GLB1: variants seen among roughly 807,000 people sequenced by gnomAD.
The protein encoded by GLB1 is galactosidase beta 1, also known as beta-galactosidase.
In GLB1, 56 loss-of-function variants were observed where a neutral mutation model predicts 74.0. The observed-to-expected ratio is 0.76, with a 90% CI of 0.61 to 0.94. GLB1 has a LOEUF of 0.94. Ranked by LOEUF, GLB1 falls within the 40% of genes least tolerant of loss-of-function variation. GLB1 has a pLI of 0.00. For synonymous variants in GLB1, 323 were observed against 323.6 expected (o/e 1.00, Z 0.02); for missense variants, 787 against 845.5 (o/e 0.93, Z 0.86).
chr3:33,087,593 A>G (rs879572367), intron 1 of GLB1, among the ~76,000 whole-genome samples: 24,367 of 125,910 alleles, frequency 0.19, 2,438 homozygotes, highest in East Asian at 0.35. Context: ...ACACACACAC[A>G]CACACACACA....
intron 1 of GLB1, among the ~76,000 whole-genome samples, chr3:33,075,417 G>T (rs1559413460): frequency 1.3e-5 from 2 of 152,198 alleles, no homozygotes; most frequent in South Asian, 4.1e-4. Flanking sequence ...TACATGGTGG[G>T]ACACTGTCTC....
chr3:33,096,733 T>A lies in GLB1; in HGVS notation c.75+278A>T, dbSNP rs536585269. 25 of 1,286,052 alleles carry A rather than the reference T, an allele frequency of 1.9e-5. No homozygotes were observed. The South Asian group carries it at 4.9e-4, about 25-fold the overall frequency. The allele number at this position is 1,286,052 out of a possible 1,614,324, so 79.7% of individuals were successfully genotyped here. On this transcript the variant is annotated intron_variant, in intron 1 of 15. Transcript: ENST00000307363. ...TTTACACGCACCTCGTCTCAACACC[T>A]CGTTACAGATGGGGAAGTGGATCCA...
At chr3:33,064,855 A>G (rs991096637) in intron 5 of GLB1, among the ~76,000 whole-genome samples, 24 of 151,274 alleles carry the variant, frequency 1.6e-4, no homozygotes, top group Non-Finnish European at 2.7e-4. Flanking sequence ...TGTTTCACCT[A>G]AGTAATTTTA....
intron 9 of GLB1, among the ~76,000 whole-genome samples, chr3:33,049,896 G>A (rs7616912): frequency 0.018 from 2,812 of 152,136 alleles, 100 homozygotes; most frequent in African/African-American, 0.064. Flanking sequence ...GCTTGTAAGC[G>A]ATGTCTTCTC....
At chr3:32,988,050 G>C in the GLB1 span, among the ~76,000 whole-genome samples, 1 of 151,958 alleles carries the variant, frequency 6.6e-6, no homozygotes, top group Admixed American at 6.6e-5. Context: ...AGCTGGGTGT[G>C]GTGGTGCATG....
chr3:33,053,488 T>C lies in GLB1; in HGVS notation c.792+3A>G, dbSNP rs1256202540. The C allele has an allele frequency of 1.2e-6, 2 of 1,614,174 alleles. No individual in the cohort carries two copies. On this transcript the variant is annotated splice_donor_region_variant and intron_variant, in intron 7 of 15. Transcript: ENST00000307363. The stretch of plus-strand genomic sequence containing the variant: ...AAACACACACCTCACCCTCGATTCT[T>C]ACCAAGGGTCCTTTGGGCTCACACT...
At chr3:32,981,399 C>CAAAAAAAAAAAA in the GLB1 span, among the ~76,000 whole-genome samples, 3 of 90,454 alleles carry the variant, frequency 3.3e-5, no homozygotes, top group Non-Finnish European at 3.9e-5. Context: ...GACTCCATCT[C>CAAAAAAAAAAAA]AAAAAAAAAA....
the GLB1 span, among the ~76,000 whole-genome samples, chr3:32,974,054 G>A: frequency 6.6e-6 from 1 of 152,190 alleles, no homozygotes; most frequent in African/African-American, 2.4e-5. Flanking sequence ...GTTGGCAGCT[G>A]TAGGCCTTGT....
At chr3:33,084,894 A>G (rs1312517419) in intron 1 of GLB1, among the ~76,000 whole-genome samples, 1 of 152,188 alleles carries the variant, frequency 6.6e-6, no homozygotes, top group Non-Finnish European at 1.5e-5. Context: ...AACCACATTG[A>G]CGTTACTATT....
intron 1 of GLB1, among the ~76,000 whole-genome samples, chr3:33,095,018 C>T (rs1700950766): frequency 6.6e-6 from 1 of 152,046 alleles, no homozygotes; most frequent in Non-Finnish European, 1.5e-5. Flanking sequence ...CAAGACCAGC[C>T]TGGCCAACAT....
rs778423719 is a variant in GLB1, at chr3:33,093,587, T to C, written c.75+3424A>G. 3.1e-6 allele frequency: 5 copies of C among 1,614,128 alleles called. No homozygotes were observed. In the Admixed American group the frequency reaches 5.0e-5, roughly 16 times the overall value. On this transcript the variant is annotated intron_variant, in intron 1 of 15. Transcript: ENST00000307363. This position sits in a 1 kb window ranked among gnomAD's most constrained non-coding sequence, Gnocchi z 6.0. ...GGAGCACGATCTTGAGGTTGTTCATTGAGGCAGGCAGCTGATGGATGGGCA... is the reference window on the plus strand; with the variant it reads ...GGAGCACGATCTTGAGGTTGTTCATCGAGGCAGGCAGCTGATGGATGGGCA...
At chr3:32,973,327 G>A in the GLB1 span, among the ~76,000 whole-genome samples, 18 of 152,068 alleles carry the variant, frequency 1.2e-4, no homozygotes, top group East Asian at 5.8e-4. Flanking sequence ...TTTGGTTAGT[G>A]CAAACATAAT....
rs1262009784 is a variant in GLB1, at chr3:33,045,400, A to G, written c.1068+720T>C. On this transcript the variant is annotated intron_variant, in intron 10 of 15. Coordinates refer to ENST00000307363, the MANE Select transcript of GLB1 (RefSeq NM_000404.4). ...CTTTTATATAAAGGGAATTTACACA[A>G]TTGGCTTAAGGTTGAAGAAATAGTG... The G allele has an allele frequency of 8.1e-6, 8 of 985,288 alleles. No individual in the cohort carries two copies. The South Asian group carries it at 3.3e-4, about 41-fold the overall frequency. The allele number at this position is 985,288 out of a possible 1,614,324, so 61.0% of individuals were successfully genotyped here. A position where few individuals can be genotyped will look rare whatever the true frequency, so the allele number is the denominator to read the frequency against.
At chr3:33,037,153 C>A (rs1172597340) in intron 10 of GLB1, among the ~76,000 whole-genome samples, 2 of 151,538 alleles carry the variant, frequency 1.3e-5, no homozygotes, top group East Asian at 1.9e-4. Context: ...TCAAGCGATT[C>A]TCCTGCCCCA....
chr3:33,013,485 G>A (rs1289707832), intron 15 of GLB1, among the ~76,000 whole-genome samples: 1 of 152,180 alleles, frequency 6.6e-6, no homozygotes, highest in South Asian at 2.1e-4. Flanking sequence ...ATGAGTGATG[G>A]TAAGGTGATC....
intron 15 of GLB1, among the ~76,000 whole-genome samples, chr3:33,002,562 C>T (rs550220469): frequency 6.6e-6 from 1 of 152,144 alleles, no homozygotes; most frequent in South Asian, 2.1e-4. Flanking sequence ...GCCATCATGG[C>T]CAGCTAACTT....
intron 11 of GLB1, among the ~76,000 whole-genome samples, chr3:33,023,769 A>T (rs946379771): frequency 6.6e-6 from 1 of 152,150 alleles, no homozygotes; most frequent in Non-Finnish European, 1.5e-5. Flanking sequence ...CAGTGTCCCC[A>T]TTTAACGTAT....
At chr3:33,037,050 T>A (rs1311956572) in intron 10 of GLB1, among the ~76,000 whole-genome samples, 4 of 35,468 alleles carry the variant, frequency 1.1e-4, no homozygotes, top group Non-Finnish European at 3.1e-4. Flanking sequence ...CACAATTAAT[T>A]TTTTTTTTTT....
intron 1 of GLB1, chr3:33,091,621 A>AC (rs1700766622): frequency 2.0e-6 from 2 of 984,160 alleles, no homozygotes; most frequent in Non-Finnish European, 2.4e-6. Context: ...CTCCTGACAA[A>AC]ACAATCTTGA....
Sources: gnomAD v4.1 joint callset for allele counts (sites outside exome capture counted in the v4.1 genomes callset) on GRCh38, gnomAD v4.1.1 for gene constraint, Gnocchi (gnomAD v3.1) non-coding constraint, MANE v1.5 for transcripts, NCBI Gene and HGNC (gene_info 2026-07-23, HGNC 2026-07-21) for gene names.